Variants in ZBBX observed in about 807,000 individuals in gnomAD.
The protein encoded by ZBBX is zinc finger B-box domain-containing protein 1.
Under a neutral mutation model 108.5 loss-of-function variants are expected in ZBBX, and 101 were observed. The ratio of observed to expected loss-of-function variants is 0.93; its 90% confidence interval spans 0.79 to 1.10. The LOEUF is 1.10. Ranked by LOEUF, ZBBX falls within the 50% of genes least tolerant of loss-of-function variation. ZBBX has a pLI of 0.00. For missense variants in ZBBX, 1,009 were observed against 941.4 expected, an observed-to-expected ratio of 1.07 and a Z score of -0.94; for synonymous variants, 356 against 323.4, an observed-to-expected ratio of 1.10 and a Z score of -1.08.
At position 167,333,807 on chromosome 3, in the gene ZBBX, C is replaced by A. The variant is rs769699310; in HGVS notation, c.687+20G>T. 1.9e-6 allele frequency: 3 copies of A among 1,565,132 alleles called. No individual in the cohort carries two copies. The highest frequency in any genetic ancestry group is 2.6e-6 in the Non-Finnish European group (3 of 1,159,002). ...AGTTACATATGTCAGAAAATGTCTACTATATTTTCCTCAGTTTACCTCAGA... is the reference window on the plus strand; with the variant it reads ...AGTTACATATGTCAGAAAATGTCTAATATATTTTCCTCAGTTTACCTCAGA... On this transcript the variant is annotated intron_variant, in intron 10 of 21. Transcript: ENST00000675490.
the ZBBX span, among the ~76,000 whole-genome samples, chr3:167,226,082 T>TAA: frequency 2.3e-5 from 3 of 132,884 alleles, no homozygotes; most frequent in African/African-American, 5.5e-5. Flanking sequence ...TGACTGTGAT[T>TAA]AAAAAAAAAA....
At chr3:167,355,326 A>T (rs1743366141) in intron 8 of ZBBX, among the ~76,000 whole-genome samples, 1 of 151,990 alleles carries the variant, frequency 6.6e-6, no homozygotes, top group Admixed American at 6.6e-5. Flanking sequence ...GTATTAACTC[A>T]TTACGTGTGA....
chr3:167,374,180 G>T (rs1274484160), intron 2 of ZBBX, among the ~76,000 whole-genome samples: 1 of 152,022 alleles, frequency 6.6e-6, no homozygotes, highest in Non-Finnish European at 1.5e-5. Flanking sequence ...ATTAAGGTAT[G>T]TAATAATTAC....
chr3:167,358,935 C>CAAA (rs59753251), intron 8 of ZBBX, among the ~76,000 whole-genome samples: 68 of 66,228 alleles, frequency 1.0e-3, no homozygotes, highest in Non-Finnish European at 1.5e-3. Context: ...GACTCCATCT[C>CAAA]AAAAAAAAAA....
chr3:167,348,373 A>AAGAAAGAAAGAAAAG (rs1553833149), intron 9 of ZBBX, among the ~76,000 whole-genome samples: 47 of 139,632 alleles, frequency 3.4e-4, no homozygotes, highest in Non-Finnish European at 5.4e-4. Context: ...AGAAAGAAAA[A>AAGAAAGAAAGAAAAG]AAAGAAAAGA....
At chr3:167,352,803 G>A (rs1742896410) in intron 8 of ZBBX, among the ~76,000 whole-genome samples, 1 of 150,550 alleles carries the variant, frequency 6.6e-6, no homozygotes, top group Admixed American at 6.6e-5. Flanking sequence ...TTTATCCAGG[G>A]GATGGGGGAT....
chr3:167,235,796 A>G (rs1013852137), downstream of ZBBX, among the ~76,000 whole-genome samples: 1 of 151,498 alleles, frequency 6.6e-6, no homozygotes, highest in Non-Finnish European at 1.5e-5. Context: ...GAGTTCATCT[A>G]TGCTGCCGGT....
At chr3:167,391,164 T>A (rs1408281061) in intron 1 of ZBBX, among the ~76,000 whole-genome samples, 2 of 152,156 alleles carry the variant, frequency 1.3e-5, no homozygotes, top group African/African-American at 4.8e-5. Flanking sequence ...GTTCCATGCA[T>A]ACCTAGTTTA....
the ZBBX span, among the ~76,000 whole-genome samples, chr3:167,209,778 G>A: frequency 6.6e-6 from 1 of 152,212 alleles, no homozygotes; most frequent in African/African-American, 2.4e-5. Flanking sequence ...AGAGATGTAT[G>A]ACCTTCCAGA....
In ZBBX at chr3:167,305,925, G is replaced by A; in HGVS notation, c.1443C>T (p.Asp481=). The A allele has an allele frequency of 6.4e-7, 1 of 1,555,940 alleles. No individual in the cohort carries two copies. Among genetic ancestry groups the A allele is most frequent in the Non-Finnish European group, 8.7e-7 (1 of 1,153,856 alleles). ...SKAETSNTDF[D]NIVDPDVYSS... ...AATACACATCAGGATCCACGATGTTGTCAAAATCTGTGTTTGAAGTTTCTG... is the reference window on the plus strand; with the variant it reads ...AATACACATCAGGATCCACGATGTTATCAAAATCTGTGTTTGAAGTTTCTG... Residue 481 remains aspartate, a synonymous_variant, in exon 17 of 22, where the codon GAC becomes GAT. Transcript: ENST00000675490.
intron 20 of ZBBX, among the ~76,000 whole-genome samples, chr3:167,266,859 G>A (rs575591129): frequency 4.6e-5 from 7 of 152,198 alleles, no homozygotes; most frequent in Admixed American, 1.3e-4. Context: ...AGGGATTTCC[G>A]GTCCTTTCCC....
chr3:167,371,962 C>T (rs1746227023), intron 4 of ZBBX, among the ~76,000 whole-genome samples: 2 of 152,062 alleles, frequency 1.3e-5, no homozygotes, highest in Admixed American at 6.6e-5. Flanking sequence ...ACTTGTAATC[C>T]CAGCACTTTG....
At chr3:167,360,926 A>C (rs1456864340) in intron 6 of ZBBX, among the ~76,000 whole-genome samples, 1 of 152,046 alleles carries the variant, frequency 6.6e-6, no homozygotes, top group Admixed American at 6.6e-5. Context: ...CATAAAAAAG[A>C]AAATAAATTT....
intron 20 of ZBBX, among the ~76,000 whole-genome samples, chr3:167,251,712 T>C (rs900724477): frequency 3.3e-5 from 5 of 152,192 alleles, no homozygotes; most frequent in African/African-American, 4.8e-5. Context: ...TAATTAATGA[T>C]CAAATAATTT....
intron 10 of ZBBX, among the ~76,000 whole-genome samples, chr3:167,332,923 T>A (rs1274097433): frequency 6.6e-6 from 1 of 152,122 alleles, no homozygotes; most frequent in East Asian, 1.9e-4. Context: ...AAGGAGATAA[T>A]GTGTAAAATA....
At chr3:167,301,881 C>T (rs994452813) in intron 17 of ZBBX, among the ~76,000 whole-genome samples, 4 of 147,232 alleles carry the variant, frequency 2.7e-5, no homozygotes, top group Non-Finnish European at 4.5e-5. Flanking sequence ...GGCGGGAACC[C>T]GGGAGGCGGA....
chr3:167,265,261 A>T (rs944791594), intron 20 of ZBBX, among the ~76,000 whole-genome samples: 1 of 152,150 alleles, frequency 6.6e-6, no homozygotes, highest in Non-Finnish European at 1.5e-5. Flanking sequence ...ACTGGAGATT[A>T]TTCAGGGTCT....
Position 167,298,368 on chromosome 3 carries a change from G to A in ZBBX, c.1816C>T (p.Leu606Phe). The change falls in exon 18 of 22, where the codon CTC becomes TTC. Residue 606 changes from leucine to phenylalanine, a missense_variant. By Grantham distance (22) the Leu-to-Phe change is conservative (BLOSUM62 0). Transcript: ENST00000675490. ...AAACGATGAGAAGGAAGTAAGTTGA[G>A]TCTTTCATTTGTATCAAAAATAAAG... Reference protein sequence around the residue: ...RFFIFDTNERLNLLPSHRLEC... With the variant: ...RFFIFDTNERFNLLPSHRLEC... 1 of 1,600,338 alleles carries A rather than the reference G, an allele frequency of 6.2e-7. No homozygotes were observed. The highest frequency in any genetic ancestry group is 2.3e-5 in the East Asian group (1 of 44,318).
intron 1 of ZBBX, among the ~76,000 whole-genome samples, chr3:167,386,238 T>C (rs1368178170): frequency 6.6e-6 from 1 of 151,988 alleles, no homozygotes; most frequent in Non-Finnish European, 1.5e-5. Context: ...TCTGGAAATT[T>C]TCCCCTTCCT....
Sources: gnomAD v4.1 joint callset for allele counts (sites outside exome capture counted in the v4.1 genomes callset) on GRCh38, gnomAD v4.1.1 for gene constraint, MANE v1.5 for transcripts, NCBI Gene and HGNC (gene_info 2026-07-23, HGNC 2026-07-21) for gene names.